AFF1: variants seen among roughly 807,000 people sequenced by gnomAD.
AFF1 encodes ALF transcription elongation factor 1, also known as AF4/FMR2 family member 1.
In AFF1, 48 loss-of-function variants were observed where a neutral mutation model predicts 121.7. The observed-to-expected ratio is 0.39, with a 90% confidence interval of 0.31 to 0.50. The LOEUF is 0.50. AFF1 is among the 20% of genes least tolerant of loss of function. AFF1 has a pLI of 0.76. For synonymous variants in AFF1, 613 were observed against 563.0 expected (o/e 1.09, Z -1.26); for missense variants, 1,523 against 1,511.7 (o/e 1.01, Z -0.12).
Position 87,097,139 on chromosome 4 carries a change from A to G in AFF1, c.1283+2170A>G, listed in dbSNP as rs150836998. ...TTGGTTGTCAAGCCCTGTAGACCAT[A>G]AAAGGCCCTGACCATTGTCTTTGGG... On this transcript the variant is annotated intron_variant, in intron 8 of 20. Transcript: ENST00000395146. Among the ~76,000 whole-genome samples the G allele has an allele frequency of 1.2e-3, 183 of 152,318 alleles. 1 individual carries two copies. Among genetic ancestry groups the G allele is most frequent in the African/African-American group, 4.1e-3 (171 of 41,570 alleles).
chr4:87,073,669 G>C (rs1259811201), intron 4 of AFF1, among the ~76,000 whole-genome samples: 2 of 152,186 alleles, frequency 1.3e-5, no homozygotes, highest in Admixed American at 1.3e-4. Flanking sequence ...TATGACTGCA[G>C]TTTCTTTCGG....
chr4:86,972,652 C>T (rs1247687749), intron 2 of AFF1, among the ~76,000 whole-genome samples: 3 of 152,034 alleles, frequency 2.0e-5, no homozygotes, highest in Non-Finnish European at 4.4e-5. Context: ...ATTCTCTTGC[C>T]TCAGCCTCTC....
chr4:87,012,259 G>T (rs1726853372), intron 2 of AFF1, among the ~76,000 whole-genome samples: 1 of 16,450 alleles, frequency 6.1e-5, no homozygotes, highest in Admixed American at 1.0e-3. Flanking sequence ...TATTTTAGTA[G>T]AGATGGGGTT....
intron 2 of AFF1, among the ~76,000 whole-genome samples, chr4:86,968,748 A>C (rs1013283119): frequency 1.3e-5 from 2 of 152,210 alleles, no homozygotes; most frequent in South Asian, 4.1e-4. Context: ...TCAGGAAATA[A>C]AGTCTGCCAT....
At chr4:87,034,076 A>C (rs1336244001) in intron 2 of AFF1, among the ~76,000 whole-genome samples, 1 of 152,202 alleles carries the variant, frequency 6.6e-6, no homozygotes, top group African/African-American at 2.4e-5. Flanking sequence ...TTGAAAGGTG[A>C]AGTGCTGGAG....
intron 4 of AFF1, among the ~76,000 whole-genome samples, chr4:87,069,369 C>T (rs948395487): frequency 6.8e-6 from 1 of 147,996 alleles, no homozygotes; most frequent in Non-Finnish European, 1.5e-5. Context: ...CATTCTCTCC[C>T]TCCCTCTCCT....
At chr4:87,076,649 A>G (rs900081730) in intron 4 of AFF1, among the ~76,000 whole-genome samples, 1 of 152,168 alleles carries the variant, frequency 6.6e-6, no homozygotes, top group African/African-American at 2.4e-5. Context: ...AATCTTTAGC[A>G]TGGCTGTTTT....
At chr4:87,069,792 A>G (rs1338696568) in intron 4 of AFF1, among the ~76,000 whole-genome samples, 1 of 151,826 alleles carries the variant, frequency 6.6e-6, no homozygotes, top group Non-Finnish European at 1.5e-5. Flanking sequence ...TAAGTATTAA[A>G]TAAGGTATTC....
chr4:87,074,084 A>G (rs1037364583), intron 4 of AFF1, among the ~76,000 whole-genome samples: 41 of 152,094 alleles, frequency 2.7e-4, no homozygotes, highest in African/African-American at 9.9e-4. Context: ...CCCTGCAGCA[A>G]TAGGTTTTAA....
chr4:87,006,482 C>T (rs1726130065), intron 2 of AFF1, among the ~76,000 whole-genome samples: 1 of 152,196 alleles, frequency 6.6e-6, no homozygotes, highest in Admixed American at 6.5e-5. Flanking sequence ...TTCCTGTAAT[C>T]TACGTGTAGT....
intron 2 of AFF1, among the ~76,000 whole-genome samples, chr4:86,987,261 T>C (rs973788038): frequency 1.7e-4 from 24 of 140,524 alleles, no homozygotes; most frequent in African/African-American, 7.9e-4. Flanking sequence ...AATCTTATTA[T>C]TATAATGTAT....
chr4:86,995,308 C>T (rs972524518), intron 2 of AFF1, among the ~76,000 whole-genome samples: 3 of 111,306 alleles, frequency 2.7e-5, no homozygotes, highest in Admixed American at 1.0e-4. Context: ...CTCCCTCCCC[C>T]TCTCCCCACG....
Position 87,047,132 on chromosome 4 carries a change from G to C in AFF1, c.597G>C (p.Ser199=), listed in dbSNP as rs779004414. 1 of 1,614,154 alleles carries C rather than the reference G, an allele frequency of 6.2e-7. No individual in the cohort carries two copies. The highest frequency in any genetic ancestry group is 1.6e-4 in the Middle Eastern group (1 of 6,062). ...DGDHCASVTD[S]APERELSPLI... ...ACCACTGTGCTTCGGTGACAGATTC[G>C]GCTCCAGAGAGGGAGCTTTCTCCCT... Residue 199 remains serine, a synonymous_variant, in exon 4 of 21, where the codon TCG becomes TCC. Coordinates refer to ENST00000395146, the MANE Select transcript of AFF1 (RefSeq NM_001166693.3).
chr4:86,977,506 T>C (rs1243145772), intron 2 of AFF1, among the ~76,000 whole-genome samples: 1 of 152,186 alleles, frequency 6.6e-6, no homozygotes, highest in Non-Finnish European at 1.5e-5. Context: ...AGTGTGAGCA[T>C]GTGTGTTAGG....
chr4:86,954,001 G>A (rs1721568650), intron 2 of AFF1, among the ~76,000 whole-genome samples: 2 of 152,044 alleles, frequency 1.3e-5, no homozygotes, highest in African/African-American at 2.4e-5. Context: ...GTGAGCCACC[G>A]TGCCCGGCCT....
Position 87,138,648 on chromosome 4 carries a change from A to AG in AFF1, c.*2947_*2948insG, listed in dbSNP as rs1388378387. ...AAAAAACACTTTACTAAAATTTATC[A>AG]AATTATACTGGGTTCGGATTGTGAA... On this transcript the variant is annotated 3_prime_UTR_variant, in exon 21 of 21. Transcript: ENST00000395146. The AG allele has an allele frequency of 1.9e-5, 4 of 212,550 alleles. No homozygotes were observed. The Admixed American group carries it at 2.5e-4, about 14-fold the overall frequency. 13.2% of individuals were successfully genotyped at this position (212,550 alleles called of 1,614,324 possible).
intron 4 of AFF1, among the ~76,000 whole-genome samples, chr4:87,069,073 T>C (rs542497569): frequency 6.6e-6 from 1 of 152,212 alleles, no homozygotes. Context: ...TTCCCCCTTC[T>C]CTTCTTTTCT....
chr4:87,027,640 T>A (rs1041598071), intron 2 of AFF1, among the ~76,000 whole-genome samples: 20 of 152,186 alleles, frequency 1.3e-4, no homozygotes, highest in Non-Finnish European at 2.5e-4. Flanking sequence ...TCTAACATTA[T>A]GAACATTTTC....
At chr4:87,000,108 A>G (rs1457433974) in intron 2 of AFF1, among the ~76,000 whole-genome samples, 1 of 152,202 alleles carries the variant, frequency 6.6e-6, no homozygotes, top group East Asian at 1.9e-4. Context: ...CAAAGGAAAT[A>G]CCTGTGAGAG....
Sources: gnomAD v4.1 joint callset for allele counts (sites outside exome capture counted in the v4.1 genomes callset) on GRCh38, gnomAD v4.1.1 for gene constraint, MANE v1.5 for transcripts, NCBI Gene and HGNC (gene_info 2026-07-23, HGNC 2026-07-21) for gene names.